Variants in ADK observed in about 807,000 individuals in gnomAD.
ADK encodes the protein N6,N6-dimethyladenosine kinase.
A neutral mutation model predicts 44.7 loss-of-function variants in ADK; 24 were observed. That is an observed-to-expected ratio of 0.54 (90% CI 0.39 to 0.76). The LOEUF (loss-of-function observed/expected upper bound fraction) is 0.76. ADK is among the 30% of genes least tolerant of loss of function. The probability of loss-of-function intolerance (pLI) is 0.00; values close to 1 mark genes in which losing one functional copy is unlikely to be tolerated. For synonymous variants in ADK, 128 were observed against 142.6 expected (o/e 0.90, Z 0.73); for missense variants, 321 against 425.1 (o/e 0.76, Z 2.15).
At chr10:74,401,260 A>G (rs1843699729) in intron 6 of ADK, among the ~76,000 whole-genome samples, 1 of 152,168 alleles carries the variant, frequency 6.6e-6, no homozygotes, top group Non-Finnish European at 1.5e-5. Context: ...ATTTCCTGGC[A>G]TAGTGGTTTA....
At chr10:74,350,072 G>C (rs1231329002) in intron 4 of ADK, among the ~76,000 whole-genome samples, 5 of 152,102 alleles carry the variant, frequency 3.3e-5, no homozygotes, top group African/African-American at 1.2e-4. Flanking sequence ...ATAGACATGG[G>C]GTTGCTACAG....
At chr10:74,486,964 T>C (rs1450191990) in intron 6 of ADK, among the ~76,000 whole-genome samples, 2 of 152,166 alleles carry the variant, frequency 1.3e-5, no homozygotes, top group East Asian at 3.8e-4. Context: ...GTATCCTTGG[T>C]AATGGTTGCC....
At chr10:74,579,606 T>G (rs1564802994) in intron 7 of ADK, among the ~76,000 whole-genome samples, 1 of 152,206 alleles carries the variant, frequency 6.6e-6, no homozygotes, top group Non-Finnish European at 1.5e-5. Context: ...GTCTGTAGTC[T>G]GCAGGAAGGA....
At chr10:74,200,485 CAAAAA>C (rs78504019) in intron 1 of ADK, among the ~76,000 whole-genome samples, 1 of 93,944 alleles carries the variant, frequency 1.1e-5, no homozygotes, top group Non-Finnish European at 2.3e-5. Context: ...ACTCCGTGTC[CAAAAA>C]AAAAAAAAAA....
chr10:74,483,156 G>A (rs1011434942), intron 6 of ADK, among the ~76,000 whole-genome samples: 4 of 152,076 alleles, frequency 2.6e-5, no homozygotes, highest in Non-Finnish European at 4.4e-5. Context: ...GTTTCCATAC[G>A]TCCTCCGAAA....
chr10:74,333,866 C>T (rs1250942792), intron 4 of ADK, among the ~76,000 whole-genome samples: 1 of 151,962 alleles, frequency 6.6e-6, no homozygotes, highest in Non-Finnish European at 1.5e-5. Context: ...CAGAAAGGGA[C>T]ACCAGGGATG....
At chr10:74,618,315 C>T (rs776343529) in intron 9 of ADK, among the ~76,000 whole-genome samples, 4 of 151,714 alleles carry the variant, frequency 2.6e-5, no homozygotes, top group South Asian at 2.1e-4. Context: ...TTTAGCTTCT[C>T]GGTCTTGCCC....
intron 3 of ADK, among the ~76,000 whole-genome samples, chr10:74,308,737 A>G (rs1269408024): frequency 6.6e-6 from 1 of 152,174 alleles, no homozygotes; most frequent in African/African-American, 2.4e-5. Flanking sequence ...TCATACATCA[A>G]TCTATAAATG....
chr10:74,157,300 T>C (rs1841775602), intron 1 of ADK, among the ~76,000 whole-genome samples: 1 of 152,066 alleles, frequency 6.6e-6, no homozygotes, highest in Admixed American at 6.6e-5. Context: ...TTAACACAGT[T>C]ACCAAGAGAT....
At chr10:74,647,102 T>TA (rs879317276) in intron 9 of ADK, among the ~76,000 whole-genome samples, 466 of 144,768 alleles carry the variant, frequency 3.2e-3, no homozygotes, top group Admixed American at 2.4e-3. Flanking sequence ...GTCATTTCCT[T>TA]AAAAAAAAAA....
intron 6 of ADK, among the ~76,000 whole-genome samples, chr10:74,457,245 T>G (rs1040719816): frequency 6.6e-6 from 1 of 152,164 alleles, no homozygotes; most frequent in Non-Finnish European, 1.5e-5. Flanking sequence ...AATGGATACA[T>G]TGCTGGTCAG....
intron 9 of ADK, among the ~76,000 whole-genome samples, chr10:74,631,477 C>G (rs1180648843): frequency 6.6e-6 from 1 of 150,940 alleles, no homozygotes; most frequent in Non-Finnish European, 1.5e-5. Context: ...GGAATGGTCT[C>G]AAACTCCTGA....
At chr10:74,151,736 A>T (rs923009806) in intron 1 of ADK, among the ~76,000 whole-genome samples, 2 of 152,156 alleles carry the variant, frequency 1.3e-5, no homozygotes, top group Non-Finnish European at 2.9e-5. Context: ...ACTGCTGTAC[A>T]CTGGGGCAAA....
At chr10:74,696,468 C>G (rs2134285413) in intron 10 of ADK, among the ~76,000 whole-genome samples, 1 of 151,878 alleles carries the variant, frequency 6.6e-6, no homozygotes, top group East Asian at 1.9e-4. Flanking sequence ...CGAGTTCATG[C>G]CATTCTCCTG....
At chr10:74,224,737 T>A (rs1248631450) in intron 3 of ADK, 146 bp downstream of exon 3, 1 of 699,820 alleles carries the variant, frequency 1.4e-6, no homozygotes, top group African/African-American at 1.8e-5. Context: ...TATGATAACC[T>A]ACACTATATA....
chr10:74,354,312 T>C (rs1419444951), intron 4 of ADK, among the ~76,000 whole-genome samples: 1 of 84,270 alleles, frequency 1.2e-5, no homozygotes, highest in African/African-American at 3.3e-5. Flanking sequence ...CTCACGGAAG[T>C]ATTCCAGTAA....
At chr10:74,686,266 A>G (rs994821121) in intron 10 of ADK, among the ~76,000 whole-genome samples, 1 of 151,856 alleles carries the variant, frequency 6.6e-6, no homozygotes, top group African/African-American at 2.4e-5. Flanking sequence ...TGGCCCCAAA[A>G]GATGTGGTTT....
chr10:74,585,727 A>G (rs145560085), intron 7 of ADK, among the ~76,000 whole-genome samples: 46 of 152,128 alleles, frequency 3.0e-4, no homozygotes, highest in African/African-American at 1.1e-3. Flanking sequence ...CTGCTTTTCT[A>G]TTCTAACCCG....
chr10:74,434,925 G>T (rs1036096029), intron 6 of ADK, among the ~76,000 whole-genome samples: 20 of 152,196 alleles, frequency 1.3e-4, no homozygotes, highest in Admixed American at 3.9e-4. Context: ...AGCACCTGTG[G>T]TGAGTTGTTT....
Sources: gnomAD v4.1 joint callset for allele counts (sites outside exome capture counted in the v4.1 genomes callset) on GRCh38, gnomAD v4.1.1 for gene constraint, MANE v1.5 for transcripts, NCBI Gene and HGNC (gene_info 2026-07-23, HGNC 2026-07-21) for gene names.